The following LRRTM4 variants were observed in gnomAD, a reference collection of about 807,000 sequenced individuals.
The protein encoded by LRRTM4 is leucine rich repeat transmembrane neuronal 4.
A neutral mutation model predicts 47.6 loss-of-function variants in LRRTM4; 25 were observed. The observed-to-expected ratio is 0.53, with a 90% CI of 0.38 to 0.73. The LOEUF (loss-of-function observed/expected upper bound fraction) is 0.73. Ranked by LOEUF, LRRTM4 falls within the 30% of genes least tolerant of loss-of-function variation. The pLI, the probability that LRRTM4 is intolerant of heterozygous loss-of-function variation, is 0.00. For missense variants in LRRTM4, 638 were observed against 713.4 expected, an observed-to-expected ratio of 0.89 and a Z score of 1.20; for synonymous variants, 311 against 269.5, an observed-to-expected ratio of 1.15 and a Z score of -1.51.
intron 3 of LRRTM4, among the ~76,000 whole-genome samples, chr2:76,823,177 T>A (rs1671099320): frequency 6.6e-6 from 1 of 151,386 alleles, no homozygotes. Context: ...TAGAAATATG[T>A]TGATATCAAT....
chr2:77,180,211 T>C (rs557346627), intron 3 of LRRTM4, among the ~76,000 whole-genome samples: 42 of 152,268 alleles, frequency 2.8e-4, no homozygotes, highest in African/African-American at 1.0e-3. Context: ...ATTACAACTT[T>C]GACAGCACCA....
At chr2:77,081,526 A>C (rs1433571243) in intron 3 of LRRTM4, among the ~76,000 whole-genome samples, 1 of 152,176 alleles carries the variant, frequency 6.6e-6, no homozygotes, top group Non-Finnish European at 1.5e-5. Context: ...GTGCACATAG[A>C]GGTAAACATA....
intron 3 of LRRTM4, among the ~76,000 whole-genome samples, chr2:77,513,732 A>T (rs1679105803): frequency 6.6e-6 from 1 of 151,816 alleles, no homozygotes; most frequent in Non-Finnish European, 1.5e-5. Context: ...TGACCTGCTA[A>T]TTTTTGTATT....
chr2:76,936,139 G>A (rs1025585058), intron 3 of LRRTM4, among the ~76,000 whole-genome samples: 12 of 152,108 alleles, frequency 7.9e-5, no homozygotes, highest in African/African-American at 2.4e-4. Flanking sequence ...ACATGCTCAC[G>A]TATGTTTATT....
At chr2:76,774,652 G>C (rs556835226) in intron 3 of LRRTM4, among the ~76,000 whole-genome samples, 1 of 152,318 alleles carries the variant, frequency 6.6e-6, no homozygotes, top group East Asian at 1.9e-4. Context: ...TGTCTCAGGG[G>C]TGACAGAGGC....
intron 3 of LRRTM4, among the ~76,000 whole-genome samples, chr2:76,866,557 C>T (rs188202856): frequency 6.6e-6 from 1 of 151,772 alleles, no homozygotes; most frequent in East Asian, 1.9e-4. Context: ...ACTTTTAAAA[C>T]TCTGAACTGT....
intron 3 of LRRTM4, among the ~76,000 whole-genome samples, chr2:76,900,931 C>A (rs183286485): frequency 3.3e-5 from 5 of 152,142 alleles, no homozygotes; most frequent in African/African-American, 7.2e-5. Context: ...CCTAAAAATA[C>A]GCCAATGCAT....
At chr2:76,976,909 C>G (rs1336519465) in intron 3 of LRRTM4, among the ~76,000 whole-genome samples, 1 of 151,706 alleles carries the variant, frequency 6.6e-6, no homozygotes, top group Non-Finnish European at 1.5e-5. Flanking sequence ...CTAATTTGAT[C>G]ATTAAACATT....
chr2:76,767,768 T>G (rs574551332), intron 3 of LRRTM4, among the ~76,000 whole-genome samples: 17 of 152,310 alleles, frequency 1.1e-4, no homozygotes, highest in African/African-American at 4.1e-4. Context: ...TCTTCTTTTA[T>G]TTTTACATGC....
At chr2:77,388,542 T>A (rs1683928579) in intron 3 of LRRTM4, among the ~76,000 whole-genome samples, 2 of 152,186 alleles carry the variant, frequency 1.3e-5, no homozygotes, top group African/African-American at 2.4e-5. Flanking sequence ...TAAGTGTTTT[T>A]GAAATTTATA....
intron 3 of LRRTM4, among the ~76,000 whole-genome samples, chr2:77,259,963 CAGAA>C (rs973668906): frequency 1.3e-5 from 2 of 151,840 alleles, no homozygotes; most frequent in Non-Finnish European, 2.9e-5. Flanking sequence ...AAGAGAAACA[CAGAA>C]AGGAAAGGAG....
intron 3 of LRRTM4, among the ~76,000 whole-genome samples, chr2:77,234,188 GAA>G (rs1437815844): frequency 6.6e-6 from 1 of 152,104 alleles, no homozygotes; most frequent in East Asian, 1.9e-4. Flanking sequence ...ATTGGGTTAT[GAA>G]AACCCAAATC....
At chr2:76,832,156 G>A (rs78762150) in intron 3 of LRRTM4, among the ~76,000 whole-genome samples, 4,459 of 152,108 alleles carry the variant, frequency 0.029, 206 homozygotes, top group African/African-American at 0.088. Context: ...ACTTAGAGAT[G>A]TCTGTATTTT....
Position 76,885,462 on chromosome 2 carries a change from C to CTTTT in LRRTM4, c.1552-136550_1552-136547dup, listed in dbSNP as rs775279021. On this transcript the variant is annotated intron_variant, in intron 3 of 3. Coordinates refer to ENST00000409884, the MANE Select transcript of LRRTM4 (RefSeq NM_001134745.3). ...GGAAGAAAGTTTTGACAAAAACATG[C>CTTTT]TTTTTTTTTTTTTTTTTTGAGACGA... Among the ~76,000 whole-genome samples, 25 of 135,594 alleles carry CTTTT rather than the reference C, an allele frequency of 1.8e-4. 1 individual carries two copies. Among genetic ancestry groups the CTTTT allele is most frequent in the South Asian group, 4.6e-4 (2 of 4,330 alleles). The allele number at this position is 135,594 out of a possible 152,430, so 89.0% of individuals were successfully genotyped here.
chr2:77,244,399 A>G (rs10195882), intron 3 of LRRTM4, among the ~76,000 whole-genome samples: 82,739 of 151,708 alleles, frequency 0.55, 22,949 homozygotes, highest in African/African-American at 0.6. Flanking sequence ...AGTGTAAAGC[A>G]TTCATATTAA....
intron 3 of LRRTM4, among the ~76,000 whole-genome samples, chr2:76,879,666 A>C (rs1672874256): frequency 6.6e-6 from 1 of 152,214 alleles, no homozygotes; most frequent in African/African-American, 2.4e-5. Flanking sequence ...TTGATTTGAG[A>C]ACATACTGCT....
chr2:76,763,079 G>A (rs1444701143), intron 3 of LRRTM4, among the ~76,000 whole-genome samples: 1 of 152,178 alleles, frequency 6.6e-6, no homozygotes, highest in East Asian at 1.9e-4. Context: ...GGATTGAGGA[G>A]GTAGGAAGTG....
intron 3 of LRRTM4, among the ~76,000 whole-genome samples, chr2:77,007,914 TTCA>T (rs1334412667): frequency 1.3e-5 from 2 of 152,170 alleles, no homozygotes; most frequent in Non-Finnish European, 2.9e-5. Flanking sequence ...CAAGATAGCT[TTCA>T]TATAGCTTCA....
chr2:77,377,414 A>G (rs878999630), intron 3 of LRRTM4, among the ~76,000 whole-genome samples: 2 of 151,950 alleles, frequency 1.3e-5, no homozygotes, highest in Admixed American at 6.6e-5. Flanking sequence ...TCTGCAGATA[A>G]TAGTTGGATA....
Sources: allele counts gnomAD v4.1 joint callset (sites outside exome capture counted in the v4.1 genomes callset), GRCh38; gene constraint gnomAD v4.1.1; transcripts MANE v1.5; gene names NCBI Gene and HGNC (gene_info 2026-07-23, HGNC 2026-07-21).